Variants in GPC6 observed in about 807,000 individuals in gnomAD.
GPC6 encodes the protein glypican 6.
Under a neutral mutation model 55.2 loss-of-function variants are expected in GPC6, and 14 were observed. The observed-to-expected ratio is 0.25, with a 90% CI of 0.17 to 0.40. The LOEUF (loss-of-function observed/expected upper bound fraction) is 0.40, where lower values mean the gene tolerates loss of function less well. Among genes scored for constraint, GPC6 ranks in the 10% least tolerant of loss-of-function variants. The pLI is 1.00. For synonymous variants in GPC6, 278 were observed against 259.6 expected, an observed-to-expected ratio of 1.07 and a Z score of -0.68; for missense variants, 641 against 708.5, an observed-to-expected ratio of 0.90 and a Z score of 1.08.
At chr13:94,099,847 A>G (rs1885793330) in intron 4 of GPC6, among the ~76,000 whole-genome samples, 1 of 152,202 alleles carries the variant, frequency 6.6e-6, no homozygotes, top group African/African-American at 2.4e-5. Context: ...GAAAGATTAA[A>G]GTATGATTTT....
intron 4 of GPC6, among the ~76,000 whole-genome samples, chr13:94,272,970 C>T (rs1053007216): frequency 1.3e-5 from 2 of 152,092 alleles, no homozygotes; most frequent in Non-Finnish European, 2.9e-5. Context: ...TGGACACAGC[C>T]CCCTCTCAGT....
intron 2 of GPC6, among the ~76,000 whole-genome samples, chr13:93,679,607 G>A (rs1466104261): frequency 2.0e-5 from 3 of 151,966 alleles, no homozygotes; most frequent in African/African-American, 7.3e-5. Context: ...ATTCCTTATG[G>A]CACTTATGTG....
At chr13:94,317,714 AT>A (rs1365053307) in intron 6 of GPC6, among the ~76,000 whole-genome samples, 2 of 152,170 alleles carry the variant, frequency 1.3e-5, no homozygotes, top group African/African-American at 4.8e-5. Context: ...CAGTATAATC[AT>A]TTTTTAAAGT....
Position 94,406,764 on chromosome 13 carries a change from C to T in GPC6, c.*3547C>T, listed in dbSNP as rs1282651179. On this transcript the variant is annotated 3_prime_UTR_variant, in exon 9 of 9. Transcript: ENST00000377047. ...GTCCCTAAGGAGGAAAAAACCTTAA[C>T]ATATTCCTGAGATGTGATTCTTTTA... 3.9e-5 allele frequency: 6 copies of T among 152,082 alleles called. No individual in the cohort carries two copies. The highest frequency in any genetic ancestry group is 8.8e-5 in the Non-Finnish European group (6 of 67,976). 9.4% of individuals were successfully genotyped at this position (152,082 alleles called of 1,614,324 possible).
chr13:93,401,311 C>G (rs1385092780), intron 1 of GPC6, among the ~76,000 whole-genome samples: 1 of 151,790 alleles, frequency 6.6e-6, no homozygotes, highest in Non-Finnish European at 1.5e-5. Flanking sequence ...TGAGGACAGT[C>G]AACAAGGGAG....
chr13:93,912,959 G>T (rs1172012926), intron 3 of GPC6, among the ~76,000 whole-genome samples: 3 of 151,986 alleles, frequency 2.0e-5, no homozygotes, highest in Non-Finnish European at 4.4e-5. Flanking sequence ...TTTCCCATGT[G>T]TCTCTGTGTC....
At chr13:93,528,585 A>G (rs1881740642) in intron 1 of GPC6, among the ~76,000 whole-genome samples, 1 of 152,206 alleles carries the variant, frequency 6.6e-6, no homozygotes, top group South Asian at 2.1e-4. Context: ...TTATTCAGAT[A>G]AGATACCATT....
chr13:93,257,491 A>C (rs1409281938), intron 1 of GPC6, among the ~76,000 whole-genome samples: 2 of 152,214 alleles, frequency 1.3e-5, no homozygotes, highest in Non-Finnish European at 2.9e-5. Context: ...TAAACTATGG[A>C]AATTACAGTA....
chr13:93,601,322 G>T (rs1267896337), intron 2 of GPC6, among the ~76,000 whole-genome samples: 2 of 152,114 alleles, frequency 1.3e-5, no homozygotes, highest in Non-Finnish European at 2.9e-5. Flanking sequence ...GGTGGAGGTT[G>T]CAGTGAGCCA....
intron 2 of GPC6, among the ~76,000 whole-genome samples, chr13:93,601,940 T>G (rs912394082): frequency 9.2e-5 from 14 of 152,228 alleles, no homozygotes; most frequent in African/African-American, 3.4e-4. Flanking sequence ...TGCCTAATCT[T>G]TTTCTGGAGG....
intron 4 of GPC6, among the ~76,000 whole-genome samples, chr13:94,155,049 C>T (rs1371044762): frequency 6.6e-6 from 1 of 152,116 alleles, no homozygotes; most frequent in Non-Finnish European, 1.5e-5. Flanking sequence ...TAGTCCGGCT[C>T]CCTGGGGGTA....
chr13:94,011,519 T>C (rs1161485047), intron 3 of GPC6, among the ~76,000 whole-genome samples: 1 of 152,160 alleles, frequency 6.6e-6, no homozygotes, highest in Non-Finnish European at 1.5e-5. Flanking sequence ...ATACTGAAAA[T>C]ACTGAAAGGC....
chr13:93,887,022 T>C (rs1430133652), intron 3 of GPC6, among the ~76,000 whole-genome samples: 2 of 151,988 alleles, frequency 1.3e-5, no homozygotes, highest in Non-Finnish European at 2.9e-5. Flanking sequence ...AATGTATGTT[T>C]CCAAAGTGGA....
chr13:93,538,652 A>T (rs1332580698), intron 1 of GPC6, among the ~76,000 whole-genome samples: 1 of 152,214 alleles, frequency 6.6e-6, no homozygotes, highest in African/African-American at 2.4e-5. Context: ...CTAAGAAAGA[A>T]ATGATGAAAT....
At chr13:94,280,956 A>T (rs1892361444) in intron 4 of GPC6, among the ~76,000 whole-genome samples, 1 of 152,152 alleles carries the variant, frequency 6.6e-6, no homozygotes, top group Admixed American at 6.6e-5. Context: ...CAAAAGAAGG[A>T]AAGTTGTTTT....
At chr13:94,096,101 AG>A (rs1303240632) in intron 4 of GPC6, among the ~76,000 whole-genome samples, 1 of 152,186 alleles carries the variant, frequency 6.6e-6, no homozygotes, top group Non-Finnish European at 1.5e-5. Flanking sequence ...CAGTTTCTGG[AG>A]CTAAACACAG....
At chr13:93,581,517 G>A (rs1876935268) in intron 2 of GPC6, among the ~76,000 whole-genome samples, 1 of 152,148 alleles carries the variant, frequency 6.6e-6, no homozygotes, top group Non-Finnish European at 1.5e-5. Context: ...AGACCAGCTT[G>A]AGAAACATGG....
At chr13:93,920,219 C>G (rs372955362) in intron 3 of GPC6, among the ~76,000 whole-genome samples, 2 of 151,902 alleles carry the variant, frequency 1.3e-5, no homozygotes, top group East Asian at 2.0e-4. Flanking sequence ...AGCAATCACT[C>G]TAATTCTTTT....
At chr13:93,979,333 T>TTG (rs900936395) in intron 3 of GPC6, among the ~76,000 whole-genome samples, 4 of 142,740 alleles carry the variant, frequency 2.8e-5, no homozygotes, top group Non-Finnish European at 6.3e-5. Flanking sequence ...GTGTGTTTTT[T>TTG]TGTGTGTGTG....
Sources: allele counts gnomAD v4.1 joint callset (sites outside exome capture counted in the v4.1 genomes callset), GRCh38; gene constraint gnomAD v4.1.1; transcripts MANE v1.5; gene names NCBI Gene and HGNC (gene_info 2026-07-23, HGNC 2026-07-21).